Variants in USH2A observed in about 807,000 individuals in gnomAD.
USH2A encodes the protein usherin.
A neutral mutation model predicts 538.9 loss-of-function variants in USH2A; 443 were observed. The observed-to-expected ratio is 0.82, with a 90% confidence interval of 0.76 to 0.89. The LOEUF (loss-of-function observed/expected upper bound fraction) is 0.89, where lower values mean the gene tolerates loss of function less well. Ranked by LOEUF, USH2A falls within the 40% of genes least tolerant of loss-of-function variation. USH2A has a pLI of 0.00. For missense variants in USH2A, 6,633 were observed against 6,324.8 expected, an observed-to-expected ratio of 1.05 and a Z score of -1.65; for synonymous variants, 2,413 against 2,273.5, an observed-to-expected ratio of 1.06 and a Z score of -1.75.
chr1:215,832,931 G>A (rs1301463800), intron 47 of USH2A, among the ~76,000 whole-genome samples: 1 of 151,700 alleles, frequency 6.6e-6, no homozygotes, highest in East Asian at 1.9e-4. Context: ...AGCAACAATT[G>A]GATTTGAATT....
intron 19 of USH2A, among the ~76,000 whole-genome samples, chr1:216,193,846 G>A (rs2034774865): frequency 6.6e-6 from 1 of 152,058 alleles, no homozygotes; most frequent in Non-Finnish European, 1.5e-5. Flanking sequence ...CTCAGTTTAT[G>A]TTAATTTGTT....
Position 215,647,569 on chromosome 1 carries a change from A to G in USH2A, c.14744T>C (p.Val4915Ala), listed in dbSNP as rs1656895450. 6.2e-7 allele frequency: 1 copy of G among 1,613,782 alleles called. No homozygotes were observed. Among genetic ancestry groups the G allele is most frequent in the East Asian group, 2.2e-5 (1 of 44,862 alleles). Residue 4915 changes from valine (V) to alanine (A), a missense_variant, in exon 67 of 72, where the codon GTG (valine) becomes GCG (alanine). By Grantham distance (64) the Val-to-Ala change is moderately conservative (BLOSUM62 0). Transcript: ENST00000307340. ...GATCCACTCGGAAGCCGTACTGCCC[A>G]CCTCGTTGTGTGCCACCACTCTCAG... ...YKLRVVAHNE[V>A]GSTASEWISF...
chr1:215,743,398 G>GC, intron 58 of USH2A, 63 bp from the exon 59 acceptor site: 1 of 429,098 alleles, frequency 2.3e-6, no homozygotes, highest in South Asian at 2.8e-5. Flanking sequence ...GTGTGTGTGT[G>GC]TGTGTGTGTG....
chr1:216,102,803 A>T (rs2032622458), intron 21 of USH2A, among the ~76,000 whole-genome samples: 1 of 152,092 alleles, frequency 6.6e-6, no homozygotes, highest in Non-Finnish European at 1.5e-5. Context: ...CCGTCTCAAA[A>T]ACAAACAAAA....
intron 11 of USH2A, among the ~76,000 whole-genome samples, chr1:216,280,197 T>G (rs1385307046): frequency 1.3e-5 from 2 of 151,604 alleles, no homozygotes; most frequent in Non-Finnish European, 1.5e-5. Flanking sequence ...AAGTAATTCA[T>G]GCATTAAGTT....
At chr1:216,055,329 A>C (rs1458438207) in intron 30 of USH2A, among the ~76,000 whole-genome samples, 1 of 152,200 alleles carries the variant, frequency 6.6e-6, no homozygotes, top group Non-Finnish European at 1.5e-5. Flanking sequence ...GATGCCACAC[A>C]GGCAGAGCTG....
intron 21 of USH2A, among the ~76,000 whole-genome samples, chr1:216,118,118 C>T (rs1250526420): frequency 6.6e-6 from 1 of 152,018 alleles, no homozygotes; most frequent in African/African-American, 2.4e-5. Flanking sequence ...ACCTAATATC[C>T]TCCTCTAGAA....
rs753767378 is a variant in USH2A at position 215,811,981 on chromosome 1, G to GTTTTTTT, written c.9739+1748_9739+1754dup. Among the ~76,000 whole-genome samples the GTTTTTTT allele has an allele frequency of 3.8e-4, 30 of 78,790 alleles. 1 individual carries two copies. The highest frequency in any genetic ancestry group is 1.4e-3 in the African/African-American group (26 of 19,230). The allele number at this position is 78,790 out of a possible 152,430, so 51.7% of individuals were successfully genotyped here. A position where few individuals can be genotyped will look rare whatever the true frequency, so the allele number is the denominator to read the frequency against. On this transcript the variant is annotated intron_variant, in intron 49 of 71. Transcript: ENST00000307340. Reference sequence around the variant, plus strand: ...AAAACCAACCAAAAAAACCCCTAGGGTTTTTTTTTTTTTTTTTTTTTGAGA... The same window carrying GTTTTTTT: ...AAAACCAACCAAAAAAACCCCTAGGGTTTTTTTTTTTTTTTTTTTTTTTTTTTTGAGA...
At chr1:215,929,394 T>C (rs1298708773) in intron 38 of USH2A, among the ~76,000 whole-genome samples, 3 of 152,058 alleles carry the variant, frequency 2.0e-5, no homozygotes, top group Non-Finnish European at 4.4e-5. Context: ...GCTTCCTGCT[T>C]ACTTCATCAT....
chr1:216,303,935 G>T (rs1571681872), intron 9 of USH2A, among the ~76,000 whole-genome samples: 1 of 152,024 alleles, frequency 6.6e-6, no homozygotes, highest in African/African-American at 2.4e-5. Context: ...CAGTAATCAT[G>T]AATTTAGTAA....
chr1:215,823,319 T>C (rs2102802231), intron 47 of USH2A, among the ~76,000 whole-genome samples: 1 of 152,198 alleles, frequency 6.6e-6, no homozygotes, highest in Admixed American at 6.6e-5. Flanking sequence ...AGTACTTTTA[T>C]ATGGCATTTG....
chr1:216,341,460 A>G (rs1263962308), intron 4 of USH2A, among the ~76,000 whole-genome samples: 1 of 152,144 alleles, frequency 6.6e-6, no homozygotes, highest in Non-Finnish European at 1.5e-5. Flanking sequence ...CCATCAAACT[A>G]CCATTGACTT....
rs1021531994 is a variant in USH2A, at chr1:215,624,937, A to T, written c.*844T>A. The T allele has an allele frequency of 6.6e-6, 1 of 152,190 alleles. No individual in the cohort carries two copies. The highest frequency in any genetic ancestry group is 1.5e-5 in the Non-Finnish European group (1 of 68,010). The allele number at this position is 152,190 out of a possible 1,614,324, so 9.4% of individuals were successfully genotyped here. ...AATGTGCTAGGTTGAAGATGTCAGT[A>T]TTCTCTGATATTCAGTGAATTGACA... is the stretch of plus-strand genomic sequence containing the variant. On this transcript the variant is annotated 3_prime_UTR_variant, in exon 72 of 72. Coordinates refer to ENST00000307340, the MANE Select transcript of USH2A (RefSeq NM_206933.4).
chr1:215,905,356 T>A (rs576805970), intron 38 of USH2A, among the ~76,000 whole-genome samples: 1 of 152,226 alleles, frequency 6.6e-6, no homozygotes, highest in Non-Finnish European at 1.5e-5. Context: ...AATGCTGCAT[T>A]AAAATATCAA....
At chr1:215,819,252 C>G (rs915023796) in intron 47 of USH2A, among the ~76,000 whole-genome samples, 4 of 151,620 alleles carry the variant, frequency 2.6e-5, no homozygotes, top group Non-Finnish European at 5.9e-5. Context: ...TTCAACTATC[C>G]CTTTCATTTT....
intron 32 of USH2A, among the ~76,000 whole-genome samples, chr1:216,027,036 G>A (rs1668983667): frequency 6.6e-6 from 1 of 152,140 alleles, no homozygotes. Flanking sequence ...CTACCTTGGT[G>A]AGTAATAGTG....
chr1:216,253,509 C>G (rs937873949), intron 11 of USH2A, among the ~76,000 whole-genome samples: 1 of 152,124 alleles, frequency 6.6e-6, no homozygotes, highest in Admixed American at 6.5e-5. Context: ...TCATCTGGAG[C>G]GTCCTTGCCT....
chr1:216,044,210 C>T (rs2030418604), intron 32 of USH2A, among the ~76,000 whole-genome samples: 1 of 152,056 alleles, frequency 6.6e-6, no homozygotes, highest in South Asian at 2.1e-4. Flanking sequence ...AATCAGTAAG[C>T]ATACGGGGCA....
At chr1:215,863,860 G>C (rs1664395336) in intron 44 of USH2A, among the ~76,000 whole-genome samples, 1 of 152,070 alleles carries the variant, frequency 6.6e-6, no homozygotes, top group South Asian at 2.1e-4. Context: ...GAAAAAAAGA[G>C]GAAGGAGAGA....
Sources: allele counts gnomAD v4.1 joint callset (sites outside exome capture counted in the v4.1 genomes callset), GRCh38; gene constraint gnomAD v4.1.1; transcripts MANE v1.5; gene names NCBI Gene and HGNC (gene_info 2026-07-23, HGNC 2026-07-21).